The following ITFG1 variants were observed in gnomAD, a reference collection of about 807,000 sequenced individuals.
The protein encoded by ITFG1 is T-cell immunomodulatory protein.
Under a neutral mutation model 81.8 loss-of-function variants are expected in ITFG1, and 34 were observed. The observed-to-expected ratio is 0.42, with a 90% confidence interval of 0.32 to 0.55. ITFG1 has a LOEUF of 0.55. ITFG1 is among the 20% of genes least tolerant of loss of function. ITFG1 has a pLI of 0.17. For synonymous variants in ITFG1, 285 were observed against 270.6 expected (o/e 1.05, Z -0.52); for missense variants, 672 against 755.4 (o/e 0.89, Z 1.29).
chr16:47,364,632 T>C (rs1968151850), intron 8 of ITFG1, among the ~76,000 whole-genome samples: 1 of 152,198 alleles, frequency 6.6e-6, no homozygotes, highest in South Asian at 2.1e-4. Context: ...TTAAAAACTG[T>C]AAAGGCAACA....
intron 6 of ITFG1, among the ~76,000 whole-genome samples, chr16:47,421,050 A>T (rs564103416): frequency 1.2e-4 from 18 of 152,238 alleles, no homozygotes; most frequent in African/African-American, 4.1e-4. Flanking sequence ...TTCATCGAAT[A>T]TAAGTATAAG....
intron 12 of ITFG1, among the ~76,000 whole-genome samples, chr16:47,253,818 G>C (rs186521078): frequency 6.6e-6 from 1 of 152,132 alleles, no homozygotes; most frequent in Non-Finnish European, 1.5e-5. Context: ...AGCTTTGCTC[G>C]CCCTCCGGCC....
Position 47,238,128 on chromosome 16 carries a change from A to T in ITFG1, c.1331-120T>A, listed in dbSNP as rs988708096. ...GATTCATAATCACAAGCAGAAACCAATTCAATTTCTTTAGATCTGAGCAAA... is the reference window on the plus strand; with the variant it reads ...GATTCATAATCACAAGCAGAAACCATTTCAATTTCTTTAGATCTGAGCAAA... On this transcript the variant is annotated intron_variant, in intron 12 of 17. Coordinates refer to ENST00000320640, the MANE Select transcript of ITFG1 (RefSeq NM_030790.5). 1.6e-4 allele frequency: 96 copies of T among 613,150 alleles called. No individual in the cohort carries two copies. The East Asian group carries it at 3.1e-3, about 20-fold the overall frequency. 38.0% of individuals were successfully genotyped at this position (613,150 alleles called of 1,614,324 possible). A position where few individuals can be genotyped will look rare whatever the true frequency, so the allele number is the denominator to read the frequency against.
intron 7 of ITFG1, among the ~76,000 whole-genome samples, chr16:47,374,217 A>G (rs1968295251): frequency 6.6e-6 from 1 of 152,220 alleles, no homozygotes; most frequent in African/African-American, 2.4e-5. Context: ...CTGCCTTACC[A>G]TCTTTAACAA....
intron 10 of ITFG1, among the ~76,000 whole-genome samples, chr16:47,299,008 C>A (rs914152093): frequency 6.6e-6 from 1 of 152,026 alleles, no homozygotes; most frequent in Non-Finnish European, 1.5e-5. Flanking sequence ...GATGTACACA[C>A]CAGCCCTGAG....
chr16:47,399,091 T>C (rs940676354), intron 6 of ITFG1, among the ~76,000 whole-genome samples: 1 of 152,236 alleles, frequency 6.6e-6, no homozygotes, highest in African/African-American at 2.4e-5. Context: ...ATAAGAAATG[T>C]TACCAAAGTG....
Position 47,433,857 on chromosome 16 carries a change from A to AAT in ITFG1, c.561-4961_561-4960dup, listed in dbSNP as rs4038737. 3.3e-3 allele frequency among the ~76,000 whole-genome samples: 126 copies of AAT among 38,360 alleles called. 1 individual carries two copies. The highest frequency in any genetic ancestry group is 6.9e-3 in the South Asian group (4 of 580). 25.2% of individuals were successfully genotyped at this position (38,360 alleles called of 152,430 possible). ...AACTAAAGTGAATAAATAAAAACTGAATATATATATATATATATATATATA... is the reference window on the plus strand; with the variant it reads ...AACTAAAGTGAATAAATAAAAACTGAATATATATATATATATATATATATATA... On this transcript the variant is annotated intron_variant, in intron 5 of 17. Transcript: ENST00000320640.
chr16:47,448,209 TATA>T (rs1481891002), intron 5 of ITFG1: 1 of 152,162 alleles, frequency 6.6e-6, no homozygotes, highest in East Asian at 1.9e-4. Context: ...AACAAATATT[TATA>T]ATATTTTCTG....
At chr16:47,240,443 G>C (rs1596828429) in intron 12 of ITFG1, among the ~76,000 whole-genome samples, 1 of 151,920 alleles carries the variant, frequency 6.6e-6, no homozygotes, top group South Asian at 2.1e-4. Context: ...TCTTAAACTT[G>C]AACAATAAAA....
chr16:47,448,538 A>G (rs1311974507), intron 5 of ITFG1: 1 of 152,058 alleles, frequency 6.6e-6, no homozygotes, highest in East Asian at 1.9e-4. Context: ...ACCTACATTA[A>G]TATCTCCAAG....
intron 13 of ITFG1, among the ~76,000 whole-genome samples, chr16:47,224,582 A>G (rs929890098): frequency 5.9e-5 from 9 of 152,190 alleles, no homozygotes; most frequent in African/African-American, 9.6e-5. Context: ...AGCAAAAACC[A>G]CAAACCCAGG....
chr16:47,180,942 G>A (rs557286067), intron 14 of ITFG1, among the ~76,000 whole-genome samples: 14 of 149,748 alleles, frequency 9.3e-5, no homozygotes, highest in Admixed American at 2.7e-4. Context: ...AGTGAGGAGC[G>A]TCTCTGCCCG....
chr16:47,360,707 C>T (rs1056680721), intron 8 of ITFG1, among the ~76,000 whole-genome samples: 7 of 152,066 alleles, frequency 4.6e-5, no homozygotes, highest in African/African-American at 1.7e-4. Context: ...CCACACACGG[C>T]GCATCTGATT....
At chr16:47,401,932 T>C (rs1968666438) in intron 6 of ITFG1, among the ~76,000 whole-genome samples, 1 of 152,096 alleles carries the variant, frequency 6.6e-6, no homozygotes, top group Non-Finnish European at 1.5e-5. Flanking sequence ...CTAAAGCCGA[T>C]CCTCCTTGGT....
At chr16:47,221,511 C>G (rs1254852509) in intron 13 of ITFG1, among the ~76,000 whole-genome samples, 2 of 152,148 alleles carry the variant, frequency 1.3e-5, no homozygotes, top group African/African-American at 4.8e-5. Context: ...ATTTTTGCAT[C>G]AATGTTCATC....
At chr16:47,460,726 G>C in intron 1 of ITFG1, 112 bp downstream of exon 1, 1 of 1,167,460 alleles carries the variant, frequency 8.6e-7, no homozygotes, top group East Asian at 2.5e-5. Context: ...CCACAGGGCT[G>C]GGAGAGAAGG....
intron 14 of ITFG1, among the ~76,000 whole-genome samples, chr16:47,183,130 C>G (rs866592643): frequency 6.6e-6 from 1 of 152,246 alleles, no homozygotes; most frequent in African/African-American, 2.4e-5. Context: ...GAGGGTCCTA[C>G]GCCCACGGAG....
At chr16:47,355,179 G>A (rs1248187369) in intron 8 of ITFG1, among the ~76,000 whole-genome samples, 1 of 151,946 alleles carries the variant, frequency 6.6e-6, no homozygotes, top group South Asian at 2.1e-4. Flanking sequence ...AAAAAATGTG[G>A]TATCTATATA....
rs1441508387 is a variant in ITFG1, at chr16:47,196,388, G to C, written c.1453+22480C>G. On this transcript the variant is annotated intron_variant, in intron 14 of 17. Transcript: ENST00000320640. ...TATCGTCTGCTCTTGCAGTTTGTTT[G>C]CTTACAATGCTCCACTATTATATTG... The C allele has an allele frequency of 2.6e-5, 4 of 152,098 alleles. No individual in the cohort carries two copies. The East Asian group carries it at 7.7e-4, about 29-fold the overall frequency. 9.4% of individuals were successfully genotyped at this position (152,098 alleles called of 1,614,324 possible). A position where few individuals can be genotyped will look rare whatever the true frequency, so the allele number is the denominator to read the frequency against.
Sources: allele counts gnomAD v4.1 joint callset (sites outside exome capture counted in the v4.1 genomes callset), GRCh38; gene constraint gnomAD v4.1.1; transcripts MANE v1.5; gene names NCBI Gene and HGNC (gene_info 2026-07-23, HGNC 2026-07-21).